DOCK6: variants seen among roughly 807,000 people sequenced by gnomAD.
The protein encoded by DOCK6 is dedicator of cytokinesis protein 6.
DOCK6 carries 167 observed loss-of-function variants against 230.3 expected under a neutral mutation model. That is an observed-to-expected ratio of 0.73 (90% confidence interval 0.64 to 0.82). The LOEUF is 0.82. DOCK6 is among the 40% of genes least tolerant of loss of function. The probability of loss-of-function intolerance (pLI) is 0.00; values close to 1 mark genes in which losing one functional copy is unlikely to be tolerated. For synonymous variants in DOCK6, 1,148 were observed against 1,185.0 expected (o/e 0.97, Z 0.64); for missense variants, 2,598 against 2,825.8 (o/e 0.92, Z 1.83).
chr19:11,242,196 T>C lies in DOCK6; in HGVS notation c.1492A>G (p.Ile498Val). Reference protein sequence around the residue: ...RLRPVTAQLKIDISPAPENPH... With the variant: ...RLRPVTAQLKVDISPAPENPH... ...TTTTCAGGAGCCGGAGAAATGTCGA[T>C]CTTGAGCTGGGCTGGGAAGGGAAGA... The change falls in exon 14 of 48, where the codon ATC becomes GTC. Residue 498 changes from isoleucine to valine, a missense_variant. Transcript: ENST00000294618. 1 of 1,461,794 alleles carries C rather than the reference T, an allele frequency of 6.8e-7. No individual in the cohort carries two copies. Among genetic ancestry groups the C allele is most frequent in the African/African-American group, 1.4e-5 (1 of 69,922 alleles). 90.6% of individuals were successfully genotyped at this position (1,461,794 alleles called of 1,614,324 possible).
rs574814996 is a variant in DOCK6, at chr19:11,204,046, C to T, written c.5235+35G>A. The T allele has an allele frequency of 3.2e-6, 5 of 1,549,256 alleles. No individual in the cohort carries two copies. In the Admixed American group the frequency reaches 7.8e-5, roughly 24 times the overall value. On this transcript the variant is annotated intron_variant, in intron 41 of 47. Coordinates refer to ENST00000294618, the MANE Select transcript of DOCK6 (RefSeq NM_020812.4). ...TGCTGGCCAGTCATCACGGGGGTCC[C>T]AGAGGCAGGTGGCTGTCCACCAAGG...
At chr19:11,208,605 C>A in intron 39 of DOCK6, 81 bp downstream of exon 39, 2 of 1,526,846 alleles carry the variant, frequency 1.3e-6, no homozygotes, top group Non-Finnish European at 1.8e-6. Flanking sequence ...AAATCCCCTG[C>A]TGGAAGGGTC....
chr19:11,242,647 C>A (rs2079965271), intron 13 of DOCK6, among the ~76,000 whole-genome samples: 1 of 151,986 alleles, frequency 6.6e-6, no homozygotes, highest in East Asian at 1.9e-4. Flanking sequence ...CCGCCTCGGC[C>A]TCCCAAAGTG....
At chr19:11,204,141 GGAGTGGGGATGAGGAGTGGGGCTGA>G (rs1448790641) in intron 40 of DOCK6, 34 bp downstream of exon 40, 8 of 287,626 alleles carry the variant, frequency 2.8e-5, no homozygotes, top group African/African-American at 6.4e-5. Context: ...CTGGGGATGA[GGAGTGGGGATGAGGAGTGGGGCTGA>G]GGGTGGGGTC....
chr19:11,238,029 G>A lies in DOCK6; in HGVS notation c.1832+16C>T, dbSNP rs756307517. On this transcript the variant is annotated intron_variant, in intron 16 of 47. Coordinates refer to ENST00000294618, the MANE Select transcript of DOCK6 (RefSeq NM_020812.4). Reference sequence around the variant, plus strand: ...CCATGAGTGCCCCCAAGTTCCTCACGTGTCCCCCTACATACTTGTTATGGT... The same window carrying A: ...CCATGAGTGCCCCCAAGTTCCTCACATGTCCCCCTACATACTTGTTATGGT... 4.3e-6 allele frequency: 7 copies of A among 1,612,976 alleles called. No individual in the cohort carries two copies. Among genetic ancestry groups the A allele is most frequent in the East Asian group, 4.5e-5 (2 of 44,854 alleles).
At chr19:11,215,625 A>G in intron 31 of DOCK6, 154 bp from the exon 32 acceptor site, 1 of 1,311,082 alleles carries the variant, frequency 7.6e-7, no homozygotes, top group Non-Finnish European at 1.1e-6. Flanking sequence ...ACAGGGGCAA[A>G]CACGAGTGAC....
intron 22 of DOCK6, chr19:11,232,109 A>AG (rs202054440): frequency 0.034 from 38,001 of 1,133,072 alleles, 812 homozygotes; most frequent in Non-Finnish European, 0.041. Flanking sequence ...TAGGTTAGTC[A>AG]GATGCAGCCA....
chr19:11,200,963 A>G lies in DOCK6; in HGVS notation c.5778T>C (p.Asp1926=), dbSNP rs746385024. The part of the protein sequence containing the change: ...LAFATEQDPP[D]AKMLQMVLQG... ...GAAGCACCATCTGTAGCATCTTAGC[A>G]TCTGGTGGGTCCTGCTCGGTGGCAA... is the stretch of plus-strand genomic sequence containing the variant. The change falls in exon 45 of 48, where the codon GAT becomes GAC. Residue 1926 remains aspartate (D), a synonymous_variant. Coordinates refer to ENST00000294618, the MANE Select transcript of DOCK6 (RefSeq NM_020812.4). This position sits in a 1 kb window ranked among gnomAD's most constrained non-coding sequence, Gnocchi z 4.3. 4 of 1,613,706 alleles carry G rather than the reference A, an allele frequency of 2.5e-6. No homozygotes were observed. The Admixed American group carries it at 5.0e-5, about 20-fold the overall frequency.
intron 39 of DOCK6, among the ~76,000 whole-genome samples, chr19:11,206,562 G>GA (rs149263586): frequency 2.8e-4 from 41 of 144,774 alleles, no homozygotes; most frequent in South Asian, 1.1e-3. Context: ...CCCTGTCTCA[G>GA]AAAAAAAAAA....
In DOCK6 at chr19:11,202,126, CTGGG is replaced by C; in HGVS notation, c.5452-5_5452-2del. 6.2e-7 allele frequency: 1 copy of C among 1,613,894 alleles called. No homozygotes were observed. Among genetic ancestry groups the C allele is most frequent in the African/African-American group, 1.3e-5 (1 of 75,052 alleles). ...CCACATACGTGATCTGGATGTAGGC[CTGGG>C]CGCAGGGTCAGGTGTGAGGATCCCA... On this transcript the variant is annotated splice_acceptor_variant and splice_polypyrimidine_tract_variant and intron_variant, in intron 43 of 47. Transcript: ENST00000294618. LOFTEE classifies it high-confidence loss of function. This position sits in a 1 kb window ranked among gnomAD's most constrained non-coding sequence, Gnocchi z 5.3.
intron 39 of DOCK6, 33 bp downstream of exon 39, chr19:11,208,653 C>A: frequency 6.3e-7 from 1 of 1,592,290 alleles, no homozygotes. Context: ...TGGCCCGAGC[C>A]CCCTCTCCTG....
intron 34 of DOCK6, among the ~76,000 whole-genome samples, chr19:11,214,072 C>T (rs533447790): frequency 9.9e-5 from 15 of 152,040 alleles, no homozygotes; most frequent in South Asian, 6.2e-4. Flanking sequence ...TGTGAGCCAC[C>T]GTGCCTAGTC....
chr19:11,227,173 G>A (rs1433549507), intron 24 of DOCK6, among the ~76,000 whole-genome samples, 164 bp downstream of exon 24: 4 of 152,220 alleles, frequency 2.6e-5, no homozygotes, highest in Admixed American at 2.6e-4. Flanking sequence ...GGCTGTGCAC[G>A]TTACAGGCAC....
chr19:11,219,787 C>CAA (rs758051266), intron 28 of DOCK6, among the ~76,000 whole-genome samples: 2 of 98,302 alleles, frequency 2.0e-5, no homozygotes, highest in Non-Finnish European at 2.2e-5. Context: ...GACTCTGTCT[C>CAA]AAAAAAAAAA....
rs768240603 is a variant in DOCK6 at position 11,243,733 on chromosome 19, G to C, written c.1105-23C>G. 2 of 1,613,776 alleles carry C rather than the reference G, an allele frequency of 1.2e-6. No individual in the cohort carries two copies. Among genetic ancestry groups the C allele is most frequent in the East Asian group, 2.2e-5 (1 of 44,870 alleles). ...GTTCTGTGGGGAGACCCCGTCCCCT[G>C]CCAGCTCAGCATCCTAGCCCTGCTG... is the stretch of plus-strand genomic sequence containing the variant. On this transcript the variant is annotated intron_variant, in intron 10 of 47. Transcript: ENST00000294618. This position sits in a 1 kb window ranked among gnomAD's most constrained non-coding sequence, Gnocchi z 6.3.
chr19:11,254,466 G>A (rs921573003), intron 1 of DOCK6, among the ~76,000 whole-genome samples: 9 of 152,142 alleles, frequency 5.9e-5, no homozygotes, highest in Non-Finnish European at 1.2e-4. Flanking sequence ...GGCTGAGGCA[G>A]GCGGATCACC....
chr19:11,216,810 G>A lies in DOCK6; in HGVS notation c.3894+104C>T, dbSNP rs2079495289. 1.6e-5 allele frequency: 19 copies of A among 1,189,864 alleles called. No individual in the cohort carries two copies. The East Asian group carries it at 4.5e-4, about 28-fold the overall frequency. 73.7% of individuals were successfully genotyped at this position (1,189,864 alleles called of 1,614,324 possible). A position where few individuals can be genotyped will look rare whatever the true frequency, so the allele number is the denominator to read the frequency against. Reference sequence around the variant, plus strand: ...TCCTCTCAGTCCCACAGAGTCCTCTGCACAAAGACAGTCCACCCCTTCCCA... The same window carrying A: ...TCCTCTCAGTCCCACAGAGTCCTCTACACAAAGACAGTCCACCCCTTCCCA... On this transcript the variant is annotated intron_variant, in intron 30 of 47. Transcript: ENST00000294618.
intron 28 of DOCK6, among the ~76,000 whole-genome samples, chr19:11,220,861 G>C (rs1439911984): frequency 1.5e-5 from 2 of 133,366 alleles, no homozygotes; most frequent in Non-Finnish European, 3.1e-5. Context: ...GTCTCGCTCT[G>C]TCGCCCAGGC....
At chr19:11,253,299 C>T (rs1174475976) in intron 2 of DOCK6, among the ~76,000 whole-genome samples, 1 of 152,100 alleles carries the variant, frequency 6.6e-6, no homozygotes, top group Non-Finnish European at 1.5e-5. Flanking sequence ...CAACATGGCC[C>T]CACCCCTCTC....
Sources: allele counts gnomAD v4.1 joint callset (sites outside exome capture counted in the v4.1 genomes callset), GRCh38; gene constraint gnomAD v4.1.1; non-coding constraint Gnocchi (gnomAD v3.1); transcripts MANE v1.5; gene names NCBI Gene and HGNC (gene_info 2026-07-23, HGNC 2026-07-21).